CDH12: variants seen among roughly 807,000 people sequenced by gnomAD.
CDH12 encodes the protein cadherin-12.
In CDH12, 41 loss-of-function variants were observed where a neutral mutation model predicts 74.1. The ratio of observed to expected loss-of-function variants is 0.55; its 90% confidence interval spans 0.43 to 0.72. CDH12 has a LOEUF of 0.72. Among genes scored for constraint, CDH12 ranks in the 30% least tolerant of loss-of-function variants. The pLI, the probability that CDH12 is intolerant of heterozygous loss-of-function variation, is 0.00. For synonymous variants in CDH12, 399 were observed against 355.0 expected (o/e 1.12, Z -1.39); for missense variants, 945 against 977.2 (o/e 0.97, Z 0.44).
chr5:22,405,378 T>C (rs1287359752), intron 2 of CDH12, 27 bp from the exon 3 acceptor site: 1 of 635,384 alleles, frequency 1.6e-6, no homozygotes, highest in African/African-American at 2.0e-5. Flanking sequence ...GAAAATGCTT[T>C]AAGAATATGC....
intron 6 of CDH12, among the ~76,000 whole-genome samples, chr5:21,880,566 T>TCCTTCCTTCCTTCCTTC (rs1561268064): frequency 7.1e-5 from 1 of 14,040 alleles, no homozygotes; most frequent in Non-Finnish European, 2.1e-4. Flanking sequence ...TTCCTTCCCT[T>TCCTTCCTTCCTTCCTTC]CTTTCTTTCC....
intron 13 of CDH12, among the ~76,000 whole-genome samples, chr5:21,758,858 G>A (rs961162890): frequency 6.6e-6 from 1 of 152,060 alleles, no homozygotes; most frequent in Non-Finnish European, 1.5e-5. Flanking sequence ...TAAGCAAATT[G>A]ATACAGAAGC....
intron 3 of CDH12, among the ~76,000 whole-genome samples, chr5:22,313,655 G>C (rs986375705): frequency 6.6e-6 from 1 of 152,188 alleles, no homozygotes. Context: ...CCATTAAAAG[G>C]AACAAAACAA....
intron 6 of CDH12, among the ~76,000 whole-genome samples, chr5:21,868,663 C>T (rs1443614605): frequency 6.6e-6 from 1 of 152,146 alleles, no homozygotes; most frequent in African/African-American, 2.4e-5. Flanking sequence ...ATAGGAATGT[C>T]TATGCTATGC....
At chr5:22,239,913 G>C (rs1018229123) in intron 3 of CDH12, among the ~76,000 whole-genome samples, 1 of 152,016 alleles carries the variant, frequency 6.6e-6, no homozygotes, top group African/African-American at 2.4e-5. Flanking sequence ...TAAATATGAA[G>C]GTAGCTCCCT....
At chr5:22,661,234 G>T (rs964418530) in intron 1 of CDH12, among the ~76,000 whole-genome samples, 2 of 152,136 alleles carry the variant, frequency 1.3e-5, no homozygotes, top group African/African-American at 4.8e-5. Context: ...ACCTAACAAA[G>T]AATTAGCTGC....
intron 3 of CDH12, among the ~76,000 whole-genome samples, chr5:22,298,844 T>C (rs1402537033): frequency 6.6e-6 from 1 of 152,212 alleles, no homozygotes; most frequent in Admixed American, 6.5e-5. Context: ...CTCTTCGGCA[T>C]ATCAACAAAG....
rs139023084 is a variant in CDH12 at position 21,820,019 on chromosome 5, G to C, written c.815-2887C>G. On this transcript the variant is annotated intron_variant, in intron 8 of 14. Coordinates refer to ENST00000382254, the MANE Select transcript of CDH12 (RefSeq NM_004061.5). ...ACATCGATGAAAATGATAGAGCCTGGAGTCCTCTCTAATGGATTATGGTTA... is the reference window on the plus strand; with the variant it reads ...ACATCGATGAAAATGATAGAGCCTGCAGTCCTCTCTAATGGATTATGGTTA... 2.6e-4 allele frequency among the ~76,000 whole-genome samples: 39 copies of C among 152,078 alleles called. 1 individual carries two copies. In the East Asian group the frequency reaches 7.5e-3, roughly 29 times the overall value.
rs1157715958 is a variant in CDH12, at chr5:22,434,527, A to G, written c.-427-29176T>C. On this transcript the variant is annotated intron_variant, in intron 2 of 14. Coordinates refer to ENST00000382254, the MANE Select transcript of CDH12 (RefSeq NM_004061.5). ...AATGGAGTTCACCATGTCACTCCAA[A>G]ATGATTTTCATACCTCTATTTTTTC... is the stretch of plus-strand genomic sequence containing the variant. Among the ~76,000 whole-genome samples the G allele has an allele frequency of 2.6e-5, 4 of 152,130 alleles. No individual in the cohort carries two copies. In the South Asian group the frequency reaches 8.3e-4, roughly 32 times the overall value.
intron 2 of CDH12, among the ~76,000 whole-genome samples, chr5:22,467,994 G>T (rs1745803323): frequency 6.6e-6 from 1 of 152,194 alleles, no homozygotes; most frequent in East Asian, 1.9e-4. Context: ...CCAAAATTTA[G>T]ATTAGAATTT....
At chr5:22,816,940 A>G (rs1749423829) in intron 1 of CDH12, among the ~76,000 whole-genome samples, 1 of 152,166 alleles carries the variant, frequency 6.6e-6, no homozygotes, top group Non-Finnish European at 1.5e-5. Context: ...CCCTTCCATA[A>G]CAACTTGAAT....
intron 14 of CDH12, among the ~76,000 whole-genome samples, chr5:21,754,928 T>C (rs1243730874): frequency 6.6e-6 from 1 of 152,198 alleles, no homozygotes; most frequent in East Asian, 1.9e-4. Context: ...CACAGAGATA[T>C]TATAGAATAC....
chr5:22,373,879 G>GA (rs1379159490), intron 3 of CDH12, among the ~76,000 whole-genome samples: 9 of 152,028 alleles, frequency 5.9e-5, no homozygotes, highest in Admixed American at 2.0e-4. Context: ...CAGGAAACAT[G>GA]AAAAAATCAA....
At chr5:21,830,987 G>A (rs143419295) in intron 8 of CDH12, among the ~76,000 whole-genome samples, 32 of 151,878 alleles carry the variant, frequency 2.1e-4, no homozygotes, top group African/African-American at 6.8e-4. Flanking sequence ...GCAGTGAGTC[G>A]AGATGGCACC....
chr5:22,725,592 C>CT (rs745349197), intron 1 of CDH12, among the ~76,000 whole-genome samples: 7,581 of 150,536 alleles, frequency 0.05, 215 homozygotes, highest in Admixed American at 0.073. Flanking sequence ...TCCTTCAAGC[C>CT]ATTTTTTTTT....
intron 1 of CDH12, among the ~76,000 whole-genome samples, chr5:22,511,048 C>A (rs543000521): frequency 6.6e-6 from 1 of 152,080 alleles, no homozygotes; most frequent in African/African-American, 2.4e-5. Flanking sequence ...ACACCCACCA[C>A]CATGCTCAGC....
rs151242443 is a variant in CDH12, at chr5:21,787,680, C to T, written c.1257-4186G>A. ...ATTTATTAGAATAAAGTATGAGCCA[C>T]GCTGTTAATCTAATTTTGACATTTC... On this transcript the variant is annotated intron_variant, in intron 10 of 14. Coordinates refer to ENST00000382254, the MANE Select transcript of CDH12 (RefSeq NM_004061.5). Among the ~76,000 whole-genome samples, 1,370 of 152,194 alleles carry T rather than the reference C, an allele frequency of 9.0e-3. 14 individuals are homozygous for T. The highest frequency in any genetic ancestry group is 0.014 in the Middle Eastern group (4 of 292).
intron 3 of CDH12, among the ~76,000 whole-genome samples, chr5:22,396,769 G>C (rs1411482484): frequency 6.6e-6 from 1 of 152,072 alleles, no homozygotes; most frequent in Non-Finnish European, 1.5e-5. Context: ...ATTTCAGCAA[G>C]TTGGTTCTTT....
chr5:22,522,437 G>A (rs980632093), intron 1 of CDH12, among the ~76,000 whole-genome samples: 30 of 152,256 alleles, frequency 2.0e-4, no homozygotes, highest in Middle Eastern at 3.4e-3. Flanking sequence ...TTTAAGTGTT[G>A]CTTGGGAAAA....
Sources: allele counts gnomAD v4.1 joint callset (sites outside exome capture counted in the v4.1 genomes callset), GRCh38; gene constraint gnomAD v4.1.1; transcripts MANE v1.5; gene names NCBI Gene and HGNC (gene_info 2026-07-23, HGNC 2026-07-21).